CACNA1E: variants seen among roughly 807,000 people sequenced by gnomAD.
CACNA1E encodes the protein calcium voltage-gated channel subunit alpha1 E.
Under a neutral mutation model 259.2 loss-of-function variants are expected in CACNA1E, and 40 were observed. That is an observed-to-expected ratio of 0.15 (90% CI 0.12 to 0.20). The LOEUF (loss-of-function observed/expected upper bound fraction) is 0.20, where lower values mean the gene tolerates loss of function less well. CACNA1E is among the 10% of genes least tolerant of loss of function. The pLI, the probability that CACNA1E is intolerant of heterozygous loss-of-function variation, is 1.00. For missense variants in CACNA1E, 1,874 were observed against 3,040.1 expected, an observed-to-expected ratio of 0.62 and a Z score of 9.02; for synonymous variants, 1,104 against 1,138.5, an observed-to-expected ratio of 0.97 and a Z score of 0.61.
intron 1 of CACNA1E, among the ~76,000 whole-genome samples, chr1:181,410,122 C>T (rs911045039): frequency 6.6e-6 from 1 of 151,982 alleles, no homozygotes; most frequent in Non-Finnish European, 1.5e-5. Flanking sequence ...GTGGGAGCAG[C>T]AGGGGAGGGG....
intron 1 of CACNA1E, among the ~76,000 whole-genome samples, chr1:181,349,925 G>A (rs933342102): frequency 6.6e-6 from 1 of 152,192 alleles, no homozygotes; most frequent in East Asian, 1.9e-4. Context: ...GTATCCTGGC[G>A]TGTAGTTGGC....
At chr1:181,656,930 T>C (rs1659254006) in intron 7 of CACNA1E, among the ~76,000 whole-genome samples, 1 of 152,232 alleles carries the variant, frequency 6.6e-6, no homozygotes, top group South Asian at 2.1e-4. Context: ...AGCCTAGGTA[T>C]GTAGTAGGCT....
At chr1:181,743,663 A>G (rs892813728) in intron 25 of CACNA1E, among the ~76,000 whole-genome samples, 1 of 152,156 alleles carries the variant, frequency 6.6e-6, no homozygotes, top group Middle Eastern at 3.2e-3. Flanking sequence ...GTAGGAGAGG[A>G]CCAGGACACC....
chr1:181,584,901 A>T (rs958574467), intron 6 of CACNA1E, among the ~76,000 whole-genome samples: 3 of 152,202 alleles, frequency 2.0e-5, no homozygotes, highest in African/African-American at 7.2e-5. Context: ...TCAGGTGTAT[A>T]GTTCCTAAAA....
intron 1 of CACNA1E, among the ~76,000 whole-genome samples, chr1:181,353,340 A>G (rs977036158): frequency 6.6e-6 from 1 of 152,180 alleles, no homozygotes; most frequent in Non-Finnish European, 1.5e-5. Flanking sequence ...AGTGATAGGC[A>G]ATCACTACAG....
Position 181,483,844 on chromosome 1 carries a change from G to A in CACNA1E, c.100G>A (p.Gly34Arg), listed in dbSNP as rs1482505711. 6.2e-7 allele frequency: 1 copy of A among 1,613,724 alleles called. No individual in the cohort carries two copies. Among genetic ancestry groups the A allele is most frequent in the Non-Finnish European group, 8.5e-7 (1 of 1,179,806 alleles). ...NRQGTPVPASGQAAAYKQTKA... is the reference protein window; with the variant it reads ...NRQGTPVPASRQAAAYKQTKA... ...GCAAGGAACCCCCGTGCCGGCCTCG[G>A]GGCAGGCGGCCGCCTACAAGCAGAC... The change falls in exon 1 of 48, where the codon GGG becomes AGG. Residue 34 changes from glycine to arginine, a missense_variant. Coordinates refer to ENST00000367573, the MANE Select transcript of CACNA1E (RefSeq NM_001205293.3).
Position 181,464,686 on chromosome 1 carries a change from A to G in CACNA1E, c.435-19058A>G, listed in dbSNP as rs149234442. Among the ~76,000 whole-genome samples the G allele has an allele frequency of 4.3e-5, 6 of 140,356 alleles. No homozygotes were observed. In the East Asian group the frequency reaches 1.3e-3, roughly 30 times the overall value. 92.1% of individuals were successfully genotyped at this position (140,356 alleles called of 152,430 possible). ...TAATGATAACTTTGTTTTTTCCTTT[A>G]TAATCCATATGCCTTTTCTTTCTTT... On this transcript the variant is annotated intron_variant, in intron 2 of 11. Coordinates refer to the CACNA1E transcript ENST00000524607.
At chr1:181,370,202 C>T (rs1203226657) in intron 1 of CACNA1E, among the ~76,000 whole-genome samples, 1 of 151,850 alleles carries the variant, frequency 6.6e-6, no homozygotes, top group East Asian at 1.9e-4. Context: ...TGTTGCCTTC[C>T]TCTTTGTTTC....
upstream of CACNA1E, among the ~76,000 whole-genome samples, chr1:181,480,790 C>T (rs1663179881): frequency 6.6e-6 from 1 of 152,122 alleles, no homozygotes; most frequent in East Asian, 1.9e-4. Flanking sequence ...CAAGGTTATA[C>T]AATCTAGTAT....
chr1:181,649,389 A>G (rs1221722355), intron 6 of CACNA1E, among the ~76,000 whole-genome samples: 1 of 152,078 alleles, frequency 6.6e-6, no homozygotes, highest in Non-Finnish European at 1.5e-5. Context: ...CAAAAAAAAA[A>G]AGACACAAGT....
In CACNA1E at chr1:181,739,008, A is replaced by T. The variant is rs2102592045; in HGVS notation, c.3613-139A>T. The T allele has an allele frequency of 4.3e-6, 3 of 704,132 alleles. No homozygotes were observed. In the South Asian group the frequency reaches 4.8e-5, roughly 11 times the overall value. 43.6% of individuals were successfully genotyped at this position (704,132 alleles called of 1,614,324 possible). ...ATGTGGAGAAAGCCTGCTGGACCTA[A>T]CCTCTCATTCTCCAGGTCCTAGCAT... On this transcript the variant is annotated intron_variant, in intron 24 of 47. Coordinates refer to ENST00000367573, the MANE Select transcript of CACNA1E (RefSeq NM_001205293.3).
chr1:181,664,836 T>A (rs1648057932), intron 7 of CACNA1E, among the ~76,000 whole-genome samples: 1 of 151,972 alleles, frequency 6.6e-6, no homozygotes, highest in Admixed American at 6.6e-5. Context: ...GTGAAGGTGT[T>A]GAGGGAAAAG....
chr1:181,656,102 G>A (rs1468632683), intron 7 of CACNA1E, among the ~76,000 whole-genome samples: 2 of 152,154 alleles, frequency 1.3e-5, no homozygotes, highest in African/African-American at 2.4e-5. Flanking sequence ...TATAGTATTC[G>A]ACAGTAAATG....
intron 46 of CACNA1E, among the ~76,000 whole-genome samples, chr1:181,796,281 T>A (rs1399720086): frequency 6.6e-6 from 1 of 152,194 alleles, no homozygotes; most frequent in African/African-American, 2.4e-5. Context: ...TACAACAAAT[T>A]ACCACAGACT....
At chr1:181,667,994 C>T (rs773129779) in intron 7 of CACNA1E, among the ~76,000 whole-genome samples, 1 of 152,108 alleles carries the variant, frequency 6.6e-6, no homozygotes, top group Admixed American at 6.5e-5. Flanking sequence ...AGAAAATTGA[C>T]ACTGGTGCAA....
chr1:181,632,915 G>A (rs1321322870), intron 6 of CACNA1E, among the ~76,000 whole-genome samples: 1 of 152,160 alleles, frequency 6.6e-6, no homozygotes, highest in Non-Finnish European at 1.5e-5. Flanking sequence ...AAAGCTTCCA[G>A]TAGTTTCCTA....
chr1:181,555,177 C>G (rs2102859154), intron 3 of CACNA1E, among the ~76,000 whole-genome samples: 1 of 152,270 alleles, frequency 6.6e-6, no homozygotes, highest in Middle Eastern at 3.4e-3. Context: ...TTATCCTCCC[C>G]CTTTTAGATT....
chr1:181,737,758 A>G, intron 23 of CACNA1E, 104 bp downstream of exon 23: 1 of 1,468,530 alleles, frequency 6.8e-7, no homozygotes, highest in Non-Finnish European at 9.2e-7. Flanking sequence ...CTGGGGAATG[A>G]GCAAGGGTTG....
At chr1:181,592,494 G>C (rs1006321620) in intron 6 of CACNA1E, among the ~76,000 whole-genome samples, 1 of 117,568 alleles carries the variant, frequency 8.5e-6, no homozygotes, top group Non-Finnish European at 1.7e-5. Context: ...AGTGACCGGT[G>C]GGGGGTGGGG....
Sources: gnomAD v4.1 joint callset for allele counts (sites outside exome capture counted in the v4.1 genomes callset) on GRCh38, gnomAD v4.1.1 for gene constraint, MANE v1.5 for transcripts, NCBI Gene and HGNC (gene_info 2026-07-23, HGNC 2026-07-21) for gene names.